Variants in RIN2 observed in about 807,000 individuals in gnomAD.
The protein encoded by RIN2 is Ras and Rab interactor 2.
In RIN2, 36 loss-of-function variants were observed where a neutral mutation model predicts 78.0. The observed-to-expected ratio is 0.46, with a 90% CI of 0.35 to 0.61. The LOEUF (loss-of-function observed/expected upper bound fraction) is 0.61, where lower values mean the gene tolerates loss of function less well. RIN2 is among the 20% of genes least tolerant of loss of function. The probability of loss-of-function intolerance (pLI) is 0.00; values close to 1 mark genes in which losing one functional copy is unlikely to be tolerated. For missense variants in RIN2, 1,087 were observed against 1,159.7 expected, an observed-to-expected ratio of 0.94 and a Z score of 0.91; for synonymous variants, 466 against 466.8, an observed-to-expected ratio of 1.00 and a Z score of 0.02.
chr20:19,896,340 C>T (rs1011309807), intron 3 of RIN2, among the ~76,000 whole-genome samples: 2 of 152,176 alleles, frequency 1.3e-5, no homozygotes, highest in Admixed American at 6.5e-5. Context: ...AGGCATGCGC[C>T]ACCACACCCA....
intron 2 of RIN2, among the ~76,000 whole-genome samples, chr20:19,806,146 G>C (rs2035401037): frequency 6.6e-6 from 1 of 152,200 alleles, no homozygotes; most frequent in African/African-American, 2.4e-5. Context: ...TTGGTTCCAA[G>C]TCTTTGCTAT....
chr20:19,889,808 C>T, intron 3 of RIN2, 150 bp downstream of exon 3: 1 of 577,174 alleles, frequency 1.7e-6, no homozygotes, highest in African/African-American at 1.9e-5. Flanking sequence ...CTGATTGTTA[C>T]CAGGGCTTAT....
At chr20:19,841,826 A>T (rs2036586588) in intron 2 of RIN2, among the ~76,000 whole-genome samples, 1 of 152,244 alleles carries the variant, frequency 6.6e-6, no homozygotes. Context: ...CATGAGATTT[A>T]AGAAAAGAGG....
chr20:19,967,457 A>G (rs2041974721), intron 7 of RIN2, among the ~76,000 whole-genome samples: 2 of 152,256 alleles, frequency 1.3e-5, no homozygotes, highest in African/African-American at 4.8e-5. Context: ...GTATATAAAT[A>G]TATTCAAGTA....
intron 3 of RIN2, among the ~76,000 whole-genome samples, chr20:19,924,476 C>A (rs73605549): frequency 2.5e-5 from 1 of 40,688 alleles, no homozygotes; most frequent in Non-Finnish European, 5.9e-5. Flanking sequence ...CTTCATACCC[C>A]CACCTTCATA....
chr20:19,975,241 G>A lies in RIN2; in HGVS notation c.1216G>A (p.Gly406Arg), dbSNP rs775149665. 1.3e-6 allele frequency: 2 copies of A among 1,583,668 alleles called. No homozygotes were observed. Among genetic ancestry groups the A allele is most frequent in the African/African-American group, 1.3e-5 (1 of 74,380 alleles). The change falls in exon 9 of 13, where the codon GGG (glycine) becomes AGG (arginine). Residue 406 changes from glycine (G) to arginine (R), a missense_variant. Around this residue, in one of 8 missense-constraint regions of RIN2, gnomAD observed 706 missense variants for 667.5 expected, o/e 1.06. Transcript: ENST00000255006. This position sits in a 1 kb window ranked among gnomAD's most constrained non-coding sequence, Gnocchi z 4.9. ...TGGGGCCCCGCCTGAGGCCGCCCCG[G>A]GGGATTGCACAAGGGCCCCGCCGCC... ...PGGAPPEAAP[G>R]DCTRAPPPSS...
At chr20:19,844,563 G>A (rs999009845) in intron 2 of RIN2, among the ~76,000 whole-genome samples, 1 of 151,844 alleles carries the variant, frequency 6.6e-6, no homozygotes, top group African/African-American at 2.4e-5. Flanking sequence ...GGAGAACATG[G>A]CCAACTAGAG....
chr20:19,875,212 G>A (rs1248412076), intron 2 of RIN2, among the ~76,000 whole-genome samples: 3 of 151,956 alleles, frequency 2.0e-5, no homozygotes, highest in Admixed American at 6.6e-5. Flanking sequence ...AGGCTGGAGT[G>A]CAGTGGTATG....
chr20:19,962,709 C>T (rs2041804916), intron 6 of RIN2, among the ~76,000 whole-genome samples: 1 of 152,212 alleles, frequency 6.6e-6, no homozygotes, highest in African/African-American at 2.4e-5. Context: ...GCTATAAAAA[C>T]ATTCAGGGAG....
intron 3 of RIN2, among the ~76,000 whole-genome samples, chr20:19,912,028 C>T (rs2039493100): frequency 6.6e-6 from 1 of 152,182 alleles, no homozygotes; most frequent in Non-Finnish European, 1.5e-5. Flanking sequence ...TACTTCCTGG[C>T]CCTGTGGACT....
intron 1 of RIN2, among the ~76,000 whole-genome samples, chr20:19,788,790 G>A (rs528756553): frequency 6.6e-6 from 1 of 152,048 alleles, no homozygotes; most frequent in African/African-American, 2.4e-5. Context: ...TAGATAGAAG[G>A]ACATACCATG....
chr20:19,851,300 AAG>A (rs2036974158), intron 2 of RIN2, among the ~76,000 whole-genome samples: 2 of 152,038 alleles, frequency 1.3e-5, no homozygotes, highest in South Asian at 4.1e-4. Flanking sequence ...CTCAATCAAT[AAG>A]AAAGGAAGGA....
At chr20:19,922,936 T>TG (rs1404977249) in intron 3 of RIN2, among the ~76,000 whole-genome samples, 2 of 152,208 alleles carry the variant, frequency 1.3e-5, no homozygotes, top group African/African-American at 4.8e-5. Context: ...GCTCGCCTGC[T>TG]GGGGGCTCTG....
chr20:19,968,877 A>G (rs1250111660), intron 7 of RIN2, among the ~76,000 whole-genome samples: 1 of 152,174 alleles, frequency 6.6e-6, no homozygotes, highest in African/African-American at 2.4e-5. Context: ...CCGCCCTGCC[A>G]GGTCAGGCAG....
chr20:19,759,613 C>T (rs1458979778), intron 1 of RIN2, among the ~76,000 whole-genome samples: 1 of 152,094 alleles, frequency 6.6e-6, no homozygotes, highest in East Asian at 1.9e-4. Context: ...GCCTGTAATC[C>T]CAGCACTTAG....
chr20:19,867,378 T>A, intron 2 of RIN2, among the ~76,000 whole-genome samples: 1 of 152,204 alleles, frequency 6.6e-6, no homozygotes, highest in East Asian at 1.9e-4. Flanking sequence ...TTTAATCTGT[T>A]GCCCATATTT....
At chr20:19,922,562 C>T (rs1268910766) in intron 3 of RIN2, among the ~76,000 whole-genome samples, 1 of 152,162 alleles carries the variant, frequency 6.6e-6, no homozygotes, top group African/African-American at 2.4e-5. Flanking sequence ...ATGGAAACCT[C>T]GTCATCAATG....
At chr20:19,769,225 G>A (rs377141023) in intron 1 of RIN2, among the ~76,000 whole-genome samples, 3 of 152,162 alleles carry the variant, frequency 2.0e-5, no homozygotes, top group Non-Finnish European at 4.4e-5. Flanking sequence ...ATGAGCCACC[G>A]TGCCGTGCCC....
chr20:19,813,361 C>G (rs2122826540), intron 2 of RIN2, among the ~76,000 whole-genome samples: 1 of 152,334 alleles, frequency 6.6e-6, no homozygotes, highest in South Asian at 2.1e-4. Flanking sequence ...TACTTCATGG[C>G]TTCTTTCAAT....
Sources: gnomAD v4.1 joint callset for allele counts (sites outside exome capture counted in the v4.1 genomes callset) on GRCh38, gnomAD v4.1.1 for gene constraint, gnomAD v4.1.1 regional missense constraint, Gnocchi (gnomAD v3.1) non-coding constraint, MANE v1.5 for transcripts, NCBI Gene and HGNC (gene_info 2026-07-23, HGNC 2026-07-21) for gene names.